RYR2: variants seen among roughly 807,000 people sequenced by gnomAD.
RYR2 encodes the protein ryanodine receptor 2.
A neutral mutation model predicts 601.1 loss-of-function variants in RYR2; 227 were observed. That is an observed-to-expected ratio of 0.38 (90% CI 0.34 to 0.42). RYR2 has a LOEUF of 0.42. Among genes scored for constraint, RYR2 ranks in the 10% least tolerant of loss-of-function variants. The pLI, the probability that RYR2 is intolerant of heterozygous loss-of-function variation, is 1.00. For synonymous variants in RYR2, 2,223 were observed against 2,175.1 expected, an observed-to-expected ratio of 1.02 and a Z score of -0.61; for missense variants, 4,646 against 6,156.5, an observed-to-expected ratio of 0.75 and a Z score of 8.21.
rs572823473 is a variant in RYR2, at chr1:237,338,145, A to G, written c.273+7163A>G. ...GGTGTGCCATTATGTGGGCTACCCT[A>G]TCATGGATGTGCTGAGCTCGAGTAA... On this transcript the variant is annotated intron_variant, in intron 3 of 104. Transcript: ENST00000366574. Among the ~76,000 whole-genome samples the G allele has an allele frequency of 3.9e-5, 6 of 152,294 alleles. No homozygotes were observed. In the South Asian group the frequency reaches 8.3e-4, roughly 21 times the overall value.
At chr1:237,414,152 G>A (rs148220794) in intron 10 of RYR2, among the ~76,000 whole-genome samples, 158 of 152,266 alleles carry the variant, frequency 1.0e-3, no homozygotes, top group African/African-American at 3.4e-3. Context: ...TTAAAAAGCT[G>A]TGTCTTTGTG....
At chr1:237,336,034 TG>T (rs1423150463) in intron 3 of RYR2, among the ~76,000 whole-genome samples, 3 of 152,168 alleles carry the variant, frequency 2.0e-5, no homozygotes, top group Non-Finnish European at 4.4e-5. Context: ...GAAATTTAAG[TG>T]TTTTTTTGTC....
At chr1:237,715,775 C>T (rs200653553) in intron 71 of RYR2, among the ~76,000 whole-genome samples, 3 of 151,878 alleles carry the variant, frequency 2.0e-5, no homozygotes, top group South Asian at 2.1e-4. Flanking sequence ...ACTAAATTAC[C>T]GGTATTGGAT....
At chr1:237,209,516 T>TG (rs1260539665) in intron 1 of RYR2, among the ~76,000 whole-genome samples, 133 of 148,072 alleles carry the variant, frequency 9.0e-4, no homozygotes, top group Admixed American at 2.4e-3. Context: ...TGTGTGTGTA[T>TG]TTTTTTTTTT....
rs759018901 is a variant in RYR2, at chr1:237,388,121, G to A, written c.711G>A (p.Leu237=). 7.4e-6 allele frequency: 12 copies of A among 1,613,810 alleles called. No individual in the cohort carries two copies. In the African/African-American group the frequency reaches 9.3e-5, roughly 13 times the overall value. ...TTGGTGGTGATGTCCTCAGGTTGCT[G>A]CATGGACACATGGACGAGTGTCTCA... is the stretch of plus-strand genomic sequence containing the variant. The part of the protein sequence containing the change: ...YLIGGDVLRL[L]HGHMDECLTV... The change falls in exon 10 of 105, where the codon CTG becomes CTA. Residue 237 remains leucine (L), a synonymous_variant. Transcript: ENST00000366574.
At position 237,384,929 on chromosome 1, in the gene RYR2, G is replaced by A. The variant is rs528904175; in HGVS notation, c.577-2352G>A. Among the ~76,000 whole-genome samples, 152 of 151,138 alleles carry A rather than the reference G, an allele frequency of 1.0e-3. 1 individual carries two copies. The highest frequency in any genetic ancestry group is 2.1e-3 in the African/African-American group (86 of 41,138). On this transcript the variant is annotated intron_variant, in intron 8 of 104. Transcript: ENST00000366574. ...TTTGAGAAGTAGTCTCGCTCTTTTC[G>A]CCCAGGCTGCAGTGCAGTGGCGTGA...
intron 17 of RYR2, among the ~76,000 whole-genome samples, chr1:237,473,155 G>A (rs1033667982): frequency 1.3e-5 from 2 of 152,096 alleles, no homozygotes; most frequent in Non-Finnish European, 2.9e-5. Flanking sequence ...CGGGTGTGGT[G>A]GCTCACACCT....
chr1:237,564,188 TG>T (rs1186911526), intron 27 of RYR2, among the ~76,000 whole-genome samples: 4 of 152,216 alleles, frequency 2.6e-5, no homozygotes, highest in Non-Finnish European at 5.9e-5. Context: ...ATCGGTAATC[TG>T]TTTTTTGAGG....
intron 2 of RYR2, among the ~76,000 whole-genome samples, chr1:237,316,616 G>T (rs1695143778): frequency 6.6e-6 from 1 of 152,154 alleles, no homozygotes; most frequent in Non-Finnish European, 1.5e-5. Flanking sequence ...TCTGTGCGTT[G>T]TTTCAGGTTT....
intron 17 of RYR2, among the ~76,000 whole-genome samples, chr1:237,483,499 G>T (rs1389564805): frequency 1.3e-5 from 2 of 152,056 alleles, no homozygotes; most frequent in African/African-American, 4.8e-5. Context: ...ACAAAACTAG[G>T]CACATCGGCT....
intron 1 of RYR2, among the ~76,000 whole-genome samples, chr1:237,190,584 C>A (rs1032147694): frequency 2.0e-5 from 3 of 151,876 alleles, no homozygotes; most frequent in Non-Finnish European, 4.4e-5. Flanking sequence ...GGGAAAAAAA[C>A]CAATACAAAT....
intron 1 of RYR2, among the ~76,000 whole-genome samples, chr1:237,153,269 A>G (rs775493958): frequency 3.3e-5 from 5 of 152,238 alleles, no homozygotes; most frequent in Non-Finnish European, 7.3e-5. Flanking sequence ...AGGAAGAATT[A>G]AAGGTTTCTA....
intron 1 of RYR2, among the ~76,000 whole-genome samples, chr1:237,161,547 CTTT>C (rs916626296): frequency 2.0e-5 from 3 of 151,022 alleles, no homozygotes; most frequent in African/African-American, 7.4e-5. Context: ...TATTAGACAT[CTTT>C]TTCATGTAAA....
intron 88 of RYR2, among the ~76,000 whole-genome samples, chr1:237,779,182 C>G (rs556535901): frequency 6.6e-6 from 1 of 152,218 alleles, no homozygotes; most frequent in South Asian, 2.1e-4. Context: ...GGGTCTTAAA[C>G]AAGCAGATGT....
At chr1:237,738,480 C>T (rs1394241879) in intron 79 of RYR2, among the ~76,000 whole-genome samples, 4 of 152,074 alleles carry the variant, frequency 2.6e-5, no homozygotes, top group Admixed American at 6.6e-5. Flanking sequence ...TCATTCTAAA[C>T]CTTGTGCTCA....
chr1:237,385,870 C>A (rs531149708), intron 8 of RYR2, among the ~76,000 whole-genome samples: 3 of 152,260 alleles, frequency 2.0e-5, no homozygotes, highest in African/African-American at 7.2e-5. Context: ...TGTCAGGTAG[C>A]TTCTAAAAGG....
chr1:237,153,333 A>T (rs1193817679), intron 1 of RYR2, among the ~76,000 whole-genome samples: 1 of 152,214 alleles, frequency 6.6e-6, no homozygotes, highest in Non-Finnish European at 1.5e-5. Flanking sequence ...GACAGATAAA[A>T]GGAACAAGTT....
intron 17 of RYR2, among the ~76,000 whole-genome samples, chr1:237,474,240 T>TACACAC (rs1439257904): frequency 7.0e-6 from 1 of 142,032 alleles, no homozygotes; most frequent in Admixed American, 7.0e-5. Flanking sequence ...CATATATATG[T>TACACAC]ATAGATATAT....
intron 1 of RYR2, among the ~76,000 whole-genome samples, chr1:237,201,231 C>T (rs931401771): frequency 2.6e-5 from 4 of 152,226 alleles, no homozygotes; most frequent in Admixed American, 2.6e-4. Context: ...ATCAACGTCA[C>T]CTGATACCTG....
Sources: gnomAD v4.1 joint callset for allele counts (sites outside exome capture counted in the v4.1 genomes callset) on GRCh38, gnomAD v4.1.1 for gene constraint, MANE v1.5 for transcripts, NCBI Gene and HGNC (gene_info 2026-07-23, HGNC 2026-07-21) for gene names.